GRID2: variants seen among roughly 807,000 people sequenced by gnomAD.
GRID2 encodes glutamate ionotropic receptor delta type subunit 2.
In GRID2, 33 loss-of-function variants were observed where a neutral mutation model predicts 114.8. The ratio of observed to expected loss-of-function variants is 0.29; its 90% CI spans 0.22 to 0.38. The LOEUF (loss-of-function observed/expected upper bound fraction) is 0.38. GRID2 is among the 10% of genes least tolerant of loss of function. The pLI is 1.00. For synonymous variants in GRID2, 505 were observed against 449.9 expected (o/e 1.12, Z -1.55); for missense variants, 1,184 against 1,257.7 (o/e 0.94, Z 0.89).
intron 5 of GRID2, among the ~76,000 whole-genome samples, chr4:93,211,968 C>CTT (rs3078735): frequency 0.73 from 110,901 of 151,904 alleles, 41,963 homozygotes; most frequent in African/African-American, 0.93. Flanking sequence ...CAGAAAATGA[C>CTT]TTACATTTTT....
At chr4:92,854,481 A>T (rs1413960842) in intron 2 of GRID2, among the ~76,000 whole-genome samples, 3 of 151,830 alleles carry the variant, frequency 2.0e-5, no homozygotes, top group Non-Finnish European at 1.5e-5. Context: ...GAGAACAGCT[A>T]ATTTAATTAT....
At chr4:93,196,953 T>G (rs1741563084) in intron 4 of GRID2, among the ~76,000 whole-genome samples, 1 of 152,146 alleles carries the variant, frequency 6.6e-6, no homozygotes, top group Admixed American at 6.5e-5. Flanking sequence ...TTTAATCAGT[T>G]AACCAGTGTA....
intron 2 of GRID2, among the ~76,000 whole-genome samples, chr4:92,647,082 T>C (rs1052794448): frequency 6.6e-6 from 1 of 152,216 alleles, no homozygotes; most frequent in Non-Finnish European, 1.5e-5. Flanking sequence ...TGAGAGGCAA[T>C]GTTTCCCAAT....
intron 2 of GRID2, among the ~76,000 whole-genome samples, chr4:92,879,084 A>G (rs912574406): frequency 2.0e-5 from 3 of 152,206 alleles, no homozygotes; most frequent in African/African-American, 7.2e-5. Context: ...ATAGAATTGT[A>G]TGTATATTCT....
Position 92,469,780 on chromosome 4 carries a change from A to G in GRID2, c.89-120351A>G, listed in dbSNP as rs547143539. 7.2e-5 allele frequency among the ~76,000 whole-genome samples: 11 copies of G among 152,086 alleles called. No homozygotes were observed. In the East Asian group the frequency reaches 9.6e-4, roughly 13 times the overall value. ...TTCATAATTTTTTTTTCTTAAAGGT[A>G]TGATTAAGAGTTGATGAGAGATACT... On this transcript the variant is annotated intron_variant, in intron 1 of 15. Transcript: ENST00000282020.
chr4:92,732,514 A>C (rs76800659), intron 2 of GRID2, among the ~76,000 whole-genome samples: 3,652 of 152,084 alleles, frequency 0.024, 131 homozygotes, highest in East Asian at 0.16. Flanking sequence ...GATAAATGTT[A>C]ATAGAGTAGG....
At chr4:93,084,965 C>T in intron 2 of GRID2, 30 bp from the exon 3 acceptor site, 1 of 1,589,850 alleles carries the variant, frequency 6.3e-7, no homozygotes, top group South Asian at 1.1e-5. Flanking sequence ...AACCCACTGA[C>T]ATTTTGAATA....
chr4:93,206,591 T>TACACACACACACAC (rs5860312), intron 4 of GRID2, among the ~76,000 whole-genome samples: 52 of 143,042 alleles, frequency 3.6e-4, no homozygotes, highest in East Asian at 6.3e-4. Flanking sequence ...CTGCCCCTAC[T>TACACACACACACAC]ACACACACAC....
At chr4:93,494,993 G>GA (rs1305798985) in intron 12 of GRID2, among the ~76,000 whole-genome samples, 2 of 151,724 alleles carry the variant, frequency 1.3e-5, no homozygotes, top group Non-Finnish European at 2.9e-5. Flanking sequence ...ATAGCTATGG[G>GA]AAAATCAGGG....
intron 14 of GRID2, 152 bp downstream of exon 14, chr4:93,626,587 G>C: frequency 1.9e-6 from 1 of 525,272 alleles, no homozygotes. Flanking sequence ...ATAAGTAGTT[G>C]TTCAATAAGA....
intron 2 of GRID2, among the ~76,000 whole-genome samples, chr4:92,941,300 G>A (rs564749274): frequency 2.3e-4 from 35 of 152,112 alleles, no homozygotes; most frequent in Non-Finnish European, 4.6e-4. Flanking sequence ...GTCTTGGGAG[G>A]GTGTATGTGT....
chr4:93,502,472 G>C (rs1340834355), intron 12 of GRID2, among the ~76,000 whole-genome samples: 1 of 148,326 alleles, frequency 6.7e-6, no homozygotes, highest in African/African-American at 2.5e-5. Context: ...AGGCAAATCT[G>C]AAAAAAAAAA....
At chr4:93,592,779 T>C (rs1048810244) in intron 13 of GRID2, among the ~76,000 whole-genome samples, 3 of 152,204 alleles carry the variant, frequency 2.0e-5, no homozygotes, top group Admixed American at 2.0e-4. Context: ...AGTTAGCTCT[T>C]CTTGTTGAAT....
chr4:92,587,323 G>T (rs903471879), intron 1 of GRID2, among the ~76,000 whole-genome samples: 2 of 152,040 alleles, frequency 1.3e-5, no homozygotes, highest in Non-Finnish European at 2.9e-5. Flanking sequence ...AGTTAACAAA[G>T]TAGATCTAGT....
At chr4:93,787,215 T>G (rs967279647) in intron 1 of GRID2, among the ~76,000 whole-genome samples, 3 of 152,004 alleles carry the variant, frequency 2.0e-5, no homozygotes, top group Non-Finnish European at 2.9e-5. Context: ...TCTGCACACA[T>G]CCATTGGTTG....
chr4:93,172,579 G>A lies in GRID2; in HGVS notation c.736-34825G>A, dbSNP rs375245917. Among the ~76,000 whole-genome samples, 18 of 151,540 alleles carry A rather than the reference G, an allele frequency of 1.2e-4. 1 individual carries two copies. Among genetic ancestry groups the A allele is most frequent in the South Asian group, 6.3e-4 (3 of 4,796 alleles). ...TGCACTCCAGCCTGGGCGACAGGGCGAGACTCCATCTCAAAAAAAAGAAAA... is the reference window on the plus strand; with the variant it reads ...TGCACTCCAGCCTGGGCGACAGGGCAAGACTCCATCTCAAAAAAAAGAAAA... On this transcript the variant is annotated intron_variant, in intron 4 of 15. Transcript: ENST00000282020.
At chr4:93,212,517 A>G (rs1743658082) in intron 5 of GRID2, among the ~76,000 whole-genome samples, 1 of 152,096 alleles carries the variant, frequency 6.6e-6, no homozygotes, top group Non-Finnish European at 1.5e-5. Context: ...CAGGGCCCTG[A>G]AGCAGATGGC....
chr4:93,370,724 C>T (rs889349812), intron 8 of GRID2, among the ~76,000 whole-genome samples: 1 of 152,060 alleles, frequency 6.6e-6, no homozygotes, highest in African/African-American at 2.4e-5. Context: ...ATCTTCATAG[C>T]TCCTTACATG....
chr4:93,452,314 C>T (rs1026708110), intron 10 of GRID2, among the ~76,000 whole-genome samples: 2 of 152,050 alleles, frequency 1.3e-5, no homozygotes, highest in Admixed American at 6.5e-5. Flanking sequence ...TTAAGAAGTA[C>T]TTTTTCCATG....
Sources: gnomAD v4.1 joint callset for allele counts (sites outside exome capture counted in the v4.1 genomes callset) on GRCh38, gnomAD v4.1.1 for gene constraint, MANE v1.5 for transcripts, NCBI Gene and HGNC (gene_info 2026-07-23, HGNC 2026-07-21) for gene names.